Variants in CSMD1 observed in about 807,000 individuals in gnomAD.
The protein encoded by CSMD1 is CUB and sushi domain-containing protein 1.
CSMD1 carries 213 observed loss-of-function variants against 417.5 expected under a neutral mutation model. The ratio of observed to expected loss-of-function variants is 0.51; its 90% CI spans 0.46 to 0.57. The LOEUF is 0.57. CSMD1 is among the 20% of genes least tolerant of loss of function. CSMD1 has a pLI of 0.00. For synonymous variants in CSMD1, 2,862 were observed against 1,736.8 expected (o/e 1.65, Z -16.11); for missense variants, 6,923 against 4,529.7 (o/e 1.53, Z -15.17).
intron 3 of CSMD1, among the ~76,000 whole-genome samples, chr8:4,196,459 G>A (rs1585003039): frequency 6.6e-6 from 1 of 152,128 alleles, no homozygotes; most frequent in African/African-American, 2.4e-5. Flanking sequence ...GGGAAAATCT[G>A]TCCAATGCCG....
In CSMD1 at chr8:3,795,966, ATATC is replaced by A. The variant is rs1230491706; in HGVS notation, c.819-41928_819-41925del. 1.2e-4 allele frequency among the ~76,000 whole-genome samples: 3 copies of A among 24,544 alleles called. 1 individual carries two copies. The highest frequency in any genetic ancestry group is 2.1e-4 in the Non-Finnish European group (3 of 13,974). 16.1% of individuals were successfully genotyped at this position (24,544 alleles called of 152,430 possible). Reference sequence around the variant, plus strand: ...AGATATCTATCATGTACAGATATAGATATCTATCATGTACAGATATAGATATATA... The same window carrying A: ...AGATATCTATCATGTACAGATATAGATATCATGTACAGATATAGATATATA... On this transcript the variant is annotated intron_variant, in intron 5 of 69. Transcript: ENST00000635120.
intron 3 of CSMD1, among the ~76,000 whole-genome samples, chr8:4,134,015 G>C (rs1057404280): frequency 2.6e-5 from 4 of 152,092 alleles, no homozygotes; most frequent in Non-Finnish European, 4.4e-5. Flanking sequence ...TAATACTTCA[G>C]TATACATTTT....
At chr8:4,191,601 G>C (rs189899000) in intron 3 of CSMD1, among the ~76,000 whole-genome samples, 11 of 152,122 alleles carry the variant, frequency 7.2e-5, no homozygotes, top group African/African-American at 2.4e-4. Context: ...AGCTGTTTAA[G>C]CTTTCTATGT....
intron 5 of CSMD1, among the ~76,000 whole-genome samples, chr8:3,776,752 G>C (rs1244966563): frequency 6.8e-6 from 1 of 147,796 alleles, no homozygotes; most frequent in Non-Finnish European, 1.5e-5. Flanking sequence ...AAGATAGGCA[G>C]AAAAAAGATA....
intron 4 of CSMD1, among the ~76,000 whole-genome samples, chr8:4,014,512 A>C (rs572777527): frequency 4.6e-5 from 7 of 152,028 alleles, no homozygotes; most frequent in Admixed American, 4.6e-4. Flanking sequence ...GTTCCCCCTT[A>C]CTCTTCAAGG....
intron 2 of CSMD1, among the ~76,000 whole-genome samples, chr8:4,456,985 T>TTTA (rs71207092): frequency 6.4e-4 from 89 of 138,804 alleles, no homozygotes; most frequent in Admixed American, 3.4e-3. Context: ...GGTTTTTTTT[T>TTTA]AAAAAAAAAA....
At chr8:2,971,378 G>A (rs983706310) in intron 57 of CSMD1, among the ~76,000 whole-genome samples, 2 of 152,178 alleles carry the variant, frequency 1.3e-5, no homozygotes, top group South Asian at 4.2e-4. Context: ...TCACTCAGAC[G>A]GTGTCTTTTC....
intron 1 of CSMD1, among the ~76,000 whole-genome samples, chr8:4,892,449 A>G (rs1278881200): frequency 6.6e-6 from 1 of 152,110 alleles, no homozygotes; most frequent in Non-Finnish European, 1.5e-5. Context: ...TTATAAAAAA[A>G]TAGGTTCATG....
intron 37 of CSMD1, among the ~76,000 whole-genome samples, chr8:3,176,983 G>A (rs1820973891): frequency 6.6e-6 from 1 of 151,826 alleles, no homozygotes; most frequent in Non-Finnish European, 1.5e-5. Context: ...TTGCCATGTT[G>A]CCCAGGCTGG....
At chr8:3,083,805 G>C (rs774505849) in intron 49 of CSMD1, among the ~76,000 whole-genome samples, 1 of 150,672 alleles carries the variant, frequency 6.6e-6, no homozygotes, top group African/African-American at 2.4e-5. Context: ...GACTACAGGT[G>C]CACACCACCA....
intron 3 of CSMD1, among the ~76,000 whole-genome samples, chr8:4,278,750 A>G (rs1249735950): frequency 3.3e-5 from 5 of 152,190 alleles, no homozygotes; most frequent in East Asian, 3.8e-4. Flanking sequence ...TTGACTTGGT[A>G]TAAGATCTGA....
rs145714811 is a variant in CSMD1, at chr8:3,555,272, T to C, written c.1344+19673A>G. Among the ~76,000 whole-genome samples the C allele has an allele frequency of 2.2e-4, 34 of 152,210 alleles. 1 individual carries two copies. In the East Asian group the frequency reaches 4.3e-3, roughly 19 times the overall value. ...ATTTAGCTAGGAGTCATGAAGCCAA[T>C]GGGATGATTTAGGCAGTATTTCAAT... On this transcript the variant is annotated intron_variant, in intron 10 of 69. Coordinates refer to ENST00000635120, the MANE Select transcript of CSMD1 (RefSeq NM_033225.6).
chr8:3,488,086 G>GTATTATTATTATTATTATTATTAT (rs34188243), intron 11 of CSMD1, among the ~76,000 whole-genome samples: 5 of 148,232 alleles, frequency 3.4e-5, no homozygotes, highest in African/African-American at 1.2e-4. Flanking sequence ...GAAACTCATA[G>GTATTATTATTATTATTATTATTAT]TATTATTATT....
At chr8:3,175,563 G>GCCTT (rs1253590735) in intron 37 of CSMD1, among the ~76,000 whole-genome samples, 11 of 110,834 alleles carry the variant, frequency 9.9e-5, no homozygotes, top group South Asian at 2.9e-4. Flanking sequence ...CTCCCTCCCT[G>GCCTT]CCTTCCTTCC....
intron 2 of CSMD1, among the ~76,000 whole-genome samples, chr8:4,614,950 G>T (rs903429824): frequency 3.3e-5 from 5 of 152,104 alleles, no homozygotes; most frequent in Admixed American, 6.5e-5. Context: ...AATTTTCTAT[G>T]ATTTGTCTGA....
chr8:4,618,430 G>C (rs181947196), intron 2 of CSMD1, among the ~76,000 whole-genome samples: 4 of 152,016 alleles, frequency 2.6e-5, no homozygotes, highest in Non-Finnish European at 4.4e-5. Flanking sequence ...AGGTGGGCAG[G>C]ACTCACGGAG....
At chr8:4,279,408 A>C (rs950547951) in intron 3 of CSMD1, among the ~76,000 whole-genome samples, 3 of 152,178 alleles carry the variant, frequency 2.0e-5, no homozygotes, top group African/African-American at 7.2e-5. Flanking sequence ...ATCACCATTA[A>C]ATGTGAATTT....
chr8:4,772,209 C>A (rs35720140), intron 1 of CSMD1, among the ~76,000 whole-genome samples: 55,083 of 151,978 alleles, frequency 0.36, 10,585 homozygotes, highest in Admixed American at 0.49. Flanking sequence ...TCATTCTCTG[C>A]TTCCAGCAGC....
At chr8:4,253,153 A>C (rs909371643) in intron 3 of CSMD1, among the ~76,000 whole-genome samples, 1 of 152,190 alleles carries the variant, frequency 6.6e-6, no homozygotes, top group Non-Finnish European at 1.5e-5. Context: ...TAAAACGATA[A>C]ACTCATTAGG....
Sources: allele counts gnomAD v4.1 joint callset (sites outside exome capture counted in the v4.1 genomes callset), GRCh38; gene constraint gnomAD v4.1.1; transcripts MANE v1.5; gene names NCBI Gene and HGNC (gene_info 2026-07-23, HGNC 2026-07-21).